Variants in DNAH8 observed in about 807,000 individuals in gnomAD.
DNAH8 encodes the protein dynein axonemal heavy chain 8.
A neutral mutation model predicts 562.1 loss-of-function variants in DNAH8; 382 were observed. The observed-to-expected ratio is 0.68, with a 90% CI of 0.63 to 0.74. The LOEUF is 0.74. Among genes scored for constraint, DNAH8 ranks in the 30% least tolerant of loss-of-function variants. The pLI, the probability that DNAH8 is intolerant of heterozygous loss-of-function variation, is 0.00. For missense variants in DNAH8, 5,203 were observed against 5,620.4 expected (o/e 0.93, Z 2.37); for synonymous variants, 1,881 against 1,919.4 (o/e 0.98, Z 0.52).
At chr6:38,894,666 A>G (rs1265396417) in intron 58 of DNAH8, 35 bp from the exon 59 acceptor site, 1 of 1,565,066 alleles carries the variant, frequency 6.4e-7, no homozygotes, top group East Asian at 2.3e-5. Flanking sequence ...TGTATCTGAA[A>G]ACTAACTGAG....
chr6:39,004,771 C>A (rs998723526), intron 88 of DNAH8, among the ~76,000 whole-genome samples: 1 of 152,192 alleles, frequency 6.6e-6, no homozygotes, highest in African/African-American at 2.4e-5. Flanking sequence ...TTTGCATAAG[C>A]AGAATTATAC....
chr6:38,842,531 A>C, intron 34 of DNAH8, 26 bp downstream of exon 34: 5 of 1,608,082 alleles, frequency 3.1e-6, no homozygotes, highest in Non-Finnish European at 4.2e-6. Flanking sequence ...ATTTTTTATA[A>C]TGCCTGTCTT....
In DNAH8 at chr6:39,030,599, T is replaced by G; in HGVS notation, c.*207T>G. 1.9e-6 allele frequency: 1 copy of G among 514,802 alleles called. No homozygotes were observed. The highest frequency in any genetic ancestry group is 3.2e-5 in the East Asian group (1 of 31,186). The allele number at this position is 514,802 out of a possible 1,614,324, so 31.9% of individuals were successfully genotyped here. A position where few individuals can be genotyped will look rare whatever the true frequency, so the allele number is the denominator to read the frequency against. ...GATAACTCTAAATGAATGTTTTTTATTCTGGGAAATCATATTTCACTATAA... is the reference window on the plus strand; with the variant it reads ...GATAACTCTAAATGAATGTTTTTTAGTCTGGGAAATCATATTTCACTATAA... On this transcript the variant is annotated 3_prime_UTR_variant, in exon 93 of 93. Coordinates refer to ENST00000327475, the MANE Select transcript of DNAH8 (RefSeq NM_001206927.2).
intron 45 of DNAH8, 45 bp downstream of exon 45, chr6:38,864,105 A>T (rs1432053779): frequency 6.4e-7 from 1 of 1,555,062 alleles, no homozygotes; most frequent in African/African-American, 1.4e-5. Flanking sequence ...TTTAATTGTT[A>T]CAGACATAAA....
intron 30 of DNAH8, among the ~76,000 whole-genome samples, chr6:38,830,503 C>T (rs1283114685): frequency 1.3e-5 from 2 of 151,914 alleles, no homozygotes; most frequent in South Asian, 2.1e-4. Context: ...GGCATGGTGG[C>T]AGGCACCTGT....
chr6:38,951,589 A>T, intron 82 of DNAH8, 69 bp downstream of exon 82: 1 of 1,339,242 alleles, frequency 7.5e-7, no homozygotes, highest in Non-Finnish European at 1.1e-6. Context: ...TGCCTTTCGT[A>T]ATTTTATAAC....
intron 81 of DNAH8, 78 bp from the exon 82 acceptor site, chr6:38,951,240 T>C: frequency 8.0e-7 from 1 of 1,242,358 alleles, no homozygotes; most frequent in Non-Finnish European, 1.2e-6. Context: ...GCTAATTAAA[T>C]GTATGTTTTT....
intron 3 of DNAH8, among the ~76,000 whole-genome samples, chr6:38,726,840 A>C (rs901886549): frequency 2.7e-5 from 4 of 146,938 alleles, no homozygotes; most frequent in African/African-American, 1.0e-4. Context: ...TATATGGAAA[A>C]GTATTCTTTA....
chr6:38,796,463 T>C (rs1426000966), intron 21 of DNAH8, among the ~76,000 whole-genome samples: 1 of 152,088 alleles, frequency 6.6e-6, no homozygotes, highest in African/African-American at 2.4e-5. Flanking sequence ...TCATATTGTC[T>C]TATGCCCAAT....
chr6:39,010,528 G>T (rs1766119045), intron 89 of DNAH8, among the ~76,000 whole-genome samples: 1 of 151,994 alleles, frequency 6.6e-6, no homozygotes, highest in Non-Finnish European at 1.5e-5. Flanking sequence ...TTCTAAGCAT[G>T]TCTCTATCTC....
chr6:38,923,932 C>G, intron 72 of DNAH8, 59 bp from the exon 73 acceptor site: 2 of 1,583,038 alleles, frequency 1.3e-6, no homozygotes, highest in Non-Finnish European at 8.6e-7. Context: ...TGTGACCTCT[C>G]AAACAACTTA....
In DNAH8 at chr6:39,026,341, C is replaced by T. The variant is rs56353223; in HGVS notation, c.13715-205C>T. 0.13 allele frequency among the ~76,000 whole-genome samples: 20,191 copies of T among 152,184 alleles called. 1,608 individuals carry two copies. Among genetic ancestry groups the T allele is most frequent in the East Asian group, 0.35 (1,798 of 5,174 alleles). On this transcript the variant is annotated intron_variant, in intron 91 of 92. Transcript: ENST00000327475. ...AACAGTACTGCTTTCCTGCTGTCAGCAGGCGAGAAAGATTTAGCTCATTGC... is the reference window on the plus strand; with the variant it reads ...AACAGTACTGCTTTCCTGCTGTCAGTAGGCGAGAAAGATTTAGCTCATTGC...
At chr6:38,881,637 C>T (rs2077029) in intron 53 of DNAH8, among the ~76,000 whole-genome samples, 42,789 of 150,834 alleles carry the variant, frequency 0.28, 7,158 homozygotes, top group East Asian at 0.81. Context: ...CCACAACCTC[C>T]GCCTCCCGGG....
chr6:38,921,767 G>A (rs1370780738), intron 71 of DNAH8, among the ~76,000 whole-genome samples: 3 of 152,144 alleles, frequency 2.0e-5, no homozygotes, highest in Non-Finnish European at 4.4e-5. Flanking sequence ...TTTCACGCGC[G>A]TCCATGTGAA....
chr6:38,950,745 A>G (rs1456140719), intron 81 of DNAH8, among the ~76,000 whole-genome samples: 1 of 152,014 alleles, frequency 6.6e-6, no homozygotes, highest in African/African-American at 2.4e-5. Context: ...GGCCAGGGCT[A>G]CTTAGTTTTA....
At chr6:38,842,053 A>G (rs560962089) in intron 33 of DNAH8, among the ~76,000 whole-genome samples, 2 of 152,338 alleles carry the variant, frequency 1.3e-5, no homozygotes, top group South Asian at 4.1e-4. Context: ...TTTTGGTCAC[A>G]TTGTTTGCAA....
At chr6:39,026,800 C>A in intron 92 of DNAH8, 133 bp downstream of exon 92, 3 of 843,438 alleles carry the variant, frequency 3.6e-6, no homozygotes, top group Non-Finnish European at 3.6e-6. Flanking sequence ...CCATCATAGC[C>A]AGAAGACATC....
At chr6:38,777,855 T>C (rs2038202) in intron 13 of DNAH8, among the ~76,000 whole-genome samples, 18,639 of 152,208 alleles carry the variant, frequency 0.12, 1,388 homozygotes, top group Admixed American at 0.22. Context: ...ATAGCGTCAC[T>C]ACACTACTCT....
chr6:38,733,640 G>A (rs1286863278), intron 4 of DNAH8, among the ~76,000 whole-genome samples: 1 of 152,244 alleles, frequency 6.6e-6, no homozygotes, highest in Non-Finnish European at 1.5e-5. Flanking sequence ...GCTGGGCACG[G>A]TGGCTCACGC....
Sources: allele counts gnomAD v4.1 joint callset (sites outside exome capture counted in the v4.1 genomes callset), GRCh38; gene constraint gnomAD v4.1.1; transcripts MANE v1.5; gene names NCBI Gene and HGNC (gene_info 2026-07-23, HGNC 2026-07-21).